SCFD2: variants seen among roughly 807,000 people sequenced by gnomAD.
SCFD2 encodes the protein sec1 family domain-containing protein 2.
In SCFD2, 54 loss-of-function variants were observed where a neutral mutation model predicts 58.9. The ratio of observed to expected loss-of-function variants is 0.92; its 90% CI spans 0.74 to 1.15. The LOEUF (loss-of-function observed/expected upper bound fraction) is 1.15. SCFD2 is among the 50% of genes most tolerant of loss of function. The pLI is 0.00. For missense variants in SCFD2, 805 were observed against 836.6 expected, an observed-to-expected ratio of 0.96 and a Z score of 0.47; for synonymous variants, 321 against 335.9, an observed-to-expected ratio of 0.96 and a Z score of 0.49.
chr4:53,077,338 G>A (rs1724007304), intron 5 of SCFD2, among the ~76,000 whole-genome samples: 1 of 152,018 alleles, frequency 6.6e-6, no homozygotes, highest in South Asian at 2.1e-4. Flanking sequence ...AAAATCATGG[G>A]AAATTCCAGT....
chr4:53,166,459 C>T (rs1465948074), intron 4 of SCFD2, among the ~76,000 whole-genome samples: 3 of 152,108 alleles, frequency 2.0e-5, no homozygotes, highest in Non-Finnish European at 4.4e-5. Flanking sequence ...GGTATACCTT[C>T]ACTTCATGTG....
intron 4 of SCFD2, among the ~76,000 whole-genome samples, chr4:53,234,783 C>T (rs1398758057): frequency 6.6e-6 from 1 of 152,128 alleles, no homozygotes; most frequent in Non-Finnish European, 1.5e-5. Context: ...AGGCTCACAG[C>T]ACGAACTCCT....
chr4:53,008,645 G>A (rs1432550482), intron 5 of SCFD2, among the ~76,000 whole-genome samples: 1 of 152,110 alleles, frequency 6.6e-6, no homozygotes, highest in Non-Finnish European at 1.5e-5. Flanking sequence ...ATGGAGAGGT[G>A]CATGTATAAA....
chr4:53,183,718 C>A (rs914000885), intron 4 of SCFD2, among the ~76,000 whole-genome samples: 5 of 151,296 alleles, frequency 3.3e-5, no homozygotes, highest in African/African-American at 1.2e-4. Flanking sequence ...TAAGAACATG[C>A]CTAAACTTTG....
intron 2 of SCFD2, among the ~76,000 whole-genome samples, chr4:53,345,823 C>T (rs542887449): frequency 6.6e-6 from 1 of 152,206 alleles, no homozygotes; most frequent in South Asian, 2.1e-4. Flanking sequence ...TGGAAACCAT[C>T]ATTCTCAGCA....
At chr4:52,973,450 C>T (rs891742067) in intron 5 of SCFD2, among the ~76,000 whole-genome samples, 10 of 152,064 alleles carry the variant, frequency 6.6e-5, no homozygotes, top group African/African-American at 2.2e-4. Context: ...ACACATACAC[C>T]CTCCCAAGAC....
chr4:53,055,440 C>G (rs991061611), intron 5 of SCFD2, among the ~76,000 whole-genome samples: 2 of 152,146 alleles, frequency 1.3e-5, no homozygotes, highest in African/African-American at 4.8e-5. Context: ...GAGAGCTACC[C>G]TTGGGAAATG....
At chr4:53,073,245 T>C (rs537283213) in intron 5 of SCFD2, among the ~76,000 whole-genome samples, 14 of 152,210 alleles carry the variant, frequency 9.2e-5, no homozygotes, top group African/African-American at 3.4e-4. Context: ...GCATGGGTTA[T>C]ATGCTAACAC....
Position 53,275,206 on chromosome 4 carries a change from T to A in SCFD2, c.1136-1205A>T, listed in dbSNP as rs532143263. Among the ~76,000 whole-genome samples the A allele has an allele frequency of 2.0e-4, 31 of 152,334 alleles. 1 individual carries two copies. In the South Asian group the frequency reaches 6.0e-3, roughly 30 times the overall value. On this transcript the variant is annotated intron_variant, in intron 3 of 8. Transcript: ENST00000401642. The stretch of plus-strand genomic sequence containing the variant: ...TAAATGGCAGATATCACTTAATAAA[T>A]GGTTTTTGCTAAAAGTAAAGACCTT...
intron 5 of SCFD2, among the ~76,000 whole-genome samples, chr4:53,011,878 A>G (rs1296878164): frequency 2.0e-5 from 3 of 152,178 alleles, no homozygotes; most frequent in Non-Finnish European, 4.4e-5. Flanking sequence ...AAACAAGTAC[A>G]TAATATACTA....
intron 7 of SCFD2, among the ~76,000 whole-genome samples, chr4:52,898,272 T>C (rs1719080079): frequency 6.6e-6 from 1 of 152,258 alleles, no homozygotes; most frequent in African/African-American, 2.4e-5. Context: ...TCTTTCCTGC[T>C]ATCTCTTGTG....
chr4:53,249,877 A>G (rs1414601381), intron 4 of SCFD2, among the ~76,000 whole-genome samples: 1 of 152,252 alleles, frequency 6.6e-6, no homozygotes, highest in African/African-American at 2.4e-5. Flanking sequence ...CAAGGCTAGG[A>G]AGAAACTGCA....
chr4:53,157,526 A>G (rs1040177094), intron 4 of SCFD2, among the ~76,000 whole-genome samples: 1 of 152,208 alleles, frequency 6.6e-6, no homozygotes, highest in African/African-American at 2.4e-5. Context: ...CAGCCTATTG[A>G]ATGAGGAAGC....
chr4:53,024,704 C>CTTTT (rs374465004), intron 5 of SCFD2, among the ~76,000 whole-genome samples: 2 of 142,052 alleles, frequency 1.4e-5, no homozygotes, highest in Admixed American at 7.0e-5. Context: ...TGTCTCAGGC[C>CTTTT]TTTTTTTTTT....
intron 3 of SCFD2, among the ~76,000 whole-genome samples, chr4:53,305,036 T>C (rs1260363116): frequency 6.6e-6 from 1 of 152,138 alleles, no homozygotes; most frequent in African/African-American, 2.4e-5. Flanking sequence ...ATGTTGATAC[T>C]ATTCCTTTCT....
intron 5 of SCFD2, among the ~76,000 whole-genome samples, chr4:52,936,613 T>C (rs571557028): frequency 3.3e-5 from 5 of 152,326 alleles, no homozygotes; most frequent in African/African-American, 1.2e-4. Flanking sequence ...TCCTCAAGCC[T>C]TGGTGAACAC....
chr4:53,338,793 G>T (rs1413333682), intron 2 of SCFD2, among the ~76,000 whole-genome samples: 1 of 151,594 alleles, frequency 6.6e-6, no homozygotes, highest in Non-Finnish European at 1.5e-5. Context: ...TTTTAGCTGG[G>T]ATGGTCTTGA....
chr4:53,173,021 G>A (rs954487339), intron 4 of SCFD2, among the ~76,000 whole-genome samples: 1 of 151,866 alleles, frequency 6.6e-6, no homozygotes, highest in Non-Finnish European at 1.5e-5. Context: ...TTTATATTTA[G>A]GTGCTTCAAT....
intron 5 of SCFD2, among the ~76,000 whole-genome samples, chr4:53,107,140 C>T (rs1469613586): frequency 6.6e-6 from 1 of 152,050 alleles, no homozygotes; most frequent in Non-Finnish European, 1.5e-5. Flanking sequence ...TTCATAAGCA[C>T]AGGAGAAATA....
Sources: gnomAD v4.1 joint callset for allele counts (sites outside exome capture counted in the v4.1 genomes callset) on GRCh38, gnomAD v4.1.1 for gene constraint, MANE v1.5 for transcripts, NCBI Gene and HGNC (gene_info 2026-07-23, HGNC 2026-07-21) for gene names.